TAF3: variants seen among roughly 807,000 people sequenced by gnomAD.
TAF3 encodes TATA-box binding protein associated factor 3.
TAF3 carries 7 observed loss-of-function variants against 80.6 expected under a neutral mutation model. The ratio of observed to expected loss-of-function variants is 0.09; its 90% CI spans 0.05 to 0.16. The LOEUF is 0.16. Ranked by LOEUF, TAF3 falls within the 10% of genes least tolerant of loss-of-function variation. The pLI is 1.00. For synonymous variants in TAF3, 444 were observed against 446.1 expected (o/e 1.00, Z 0.06); for missense variants, 921 against 1,140.2 (o/e 0.81, Z 2.77).
intron 2 of TAF3, among the ~76,000 whole-genome samples, chr10:7,854,367 A>G (rs1283195305): frequency 2.0e-5 from 3 of 152,220 alleles, no homozygotes; most frequent in Admixed American, 6.5e-5. Flanking sequence ...ATTTGCCCCA[A>G]AACAATTTCT....
At position 7,857,616 on chromosome 10, in the gene TAF3, TCATC is replaced by T. The variant is rs1185774719; in HGVS notation, c.409+33058_409+33061del. The stretch of plus-strand genomic sequence containing the variant: ...TTTGATTTTATGTTGCTTGCATTCT[TCATC>T]CTGTTTGTGAGTTATTTCATGAAAG... On this transcript the variant is annotated intron_variant, in intron 2 of 6. Transcript: ENST00000344293. Among the ~76,000 whole-genome samples, 3 of 152,368 alleles carry T rather than the reference TCATC, an allele frequency of 2.0e-5. No individual in the cohort carries two copies. The East Asian group carries it at 5.8e-4, about 29-fold the overall frequency.
chr10:7,965,174 A>G lies in TAF3; in HGVS notation c.1664A>G (p.Glu555Gly). The change falls in exon 3 of 7, where the codon GAG (glutamate) becomes GGG (glycine). Residue 555 changes from glutamate (E) to glycine (G), a missense_variant. Glu to Gly is a moderately conservative substitution (Grantham distance 98). This residue lies in a region of TAF3 where 743 missense variants were observed against 821.0 expected (regional missense o/e 0.90). Transcript: ENST00000344293. ...GACAAGAACAAGGACAAAAGTAAGG[A>G]GAAGGATAAAGTGAAAGAGAAAGAG... ...EKDKNKDKSK[E>G]KDKVKEKEKD... The G allele has an allele frequency of 6.2e-7, 1 of 1,608,942 alleles. No individual in the cohort carries two copies. The highest frequency in any genetic ancestry group is 8.5e-7 in the Non-Finnish European group (1 of 1,178,742).
In TAF3 at chr10:8,016,562, G is replaced by A. The variant is rs1041249202; in HGVS notation, c.*1811G>A. ...AATATTTTCACATGCACAAAAATGC[G>A]CGTTAGTGGTTTTTGGAGAGGGGTG... On this transcript the variant is annotated 3_prime_UTR_variant, in exon 7 of 7. Transcript: ENST00000344293. 3 of 151,940 alleles carry A rather than the reference G, an allele frequency of 2.0e-5. No homozygotes were observed. The highest frequency in any genetic ancestry group is 4.4e-5 in the Non-Finnish European group (3 of 68,022). 9.4% of individuals were successfully genotyped at this position (151,940 alleles called of 1,614,324 possible). A position where few individuals can be genotyped will look rare whatever the true frequency, so the allele number is the denominator to read the frequency against.
rs1474032552 is a variant in TAF3, at chr10:8,014,851, G to A, written c.*100G>A. ...AAGTCTGCCGTCACATCCACCCCCA[G>A]ATGCCTGTGGATAAAGAACCCAGGA... On this transcript the variant is annotated 3_prime_UTR_variant, in exon 7 of 7. Coordinates refer to ENST00000344293, the MANE Select transcript of TAF3 (RefSeq NM_031923.4). 1.5e-5 allele frequency: 15 copies of A among 997,876 alleles called. No individual in the cohort carries two copies. The highest frequency in any genetic ancestry group is 2.6e-5 in the Admixed American group (1 of 38,078). The allele number at this position is 997,876 out of a possible 1,614,324, so 61.8% of individuals were successfully genotyped here.
intron 2 of TAF3, among the ~76,000 whole-genome samples, chr10:7,883,597 G>T (rs1340147054): frequency 2.6e-5 from 4 of 152,134 alleles, no homozygotes; most frequent in Non-Finnish European, 4.4e-5. Context: ...TCATCCATTG[G>T]TGATCTTTAC....
At chr10:7,960,700 C>T (rs1163739270) in intron 2 of TAF3, among the ~76,000 whole-genome samples, 1 of 152,174 alleles carries the variant, frequency 6.6e-6, no homozygotes, top group Non-Finnish European at 1.5e-5. Flanking sequence ...AGAGGGAGCA[C>T]CTTGTCAGTC....
At chr10:7,955,121 A>G (rs1287543196) in intron 2 of TAF3, among the ~76,000 whole-genome samples, 3 of 152,262 alleles carry the variant, frequency 2.0e-5, no homozygotes, top group Non-Finnish European at 2.9e-5. Context: ...TGGTTACAAT[A>G]AATATACCTA....
At chr10:7,835,164 A>G (rs1266638505) in intron 2 of TAF3, among the ~76,000 whole-genome samples, 3 of 152,204 alleles carry the variant, frequency 2.0e-5, no homozygotes, top group Non-Finnish European at 4.4e-5. Flanking sequence ...AAGAAGAAGG[A>G]TTGTCTTTGG....
intron 2 of TAF3, among the ~76,000 whole-genome samples, chr10:7,947,708 A>C (rs1462162530): frequency 6.6e-6 from 1 of 152,198 alleles, no homozygotes; most frequent in Non-Finnish European, 1.5e-5. Context: ...GCAGCTAAGA[A>C]GGAGGATGGG....
chr10:7,946,022 C>G (rs1029942835), intron 2 of TAF3, among the ~76,000 whole-genome samples: 3 of 152,188 alleles, frequency 2.0e-5, no homozygotes, highest in African/African-American at 4.8e-5. Context: ...TTATGCACAC[C>G]TGACCCTGAC....
rs554953503 is a variant in TAF3 at position 7,979,357 on chromosome 10, A to T, written c.2315+2034A>T. Among the ~76,000 whole-genome samples the T allele has an allele frequency of 3.9e-5, 4 of 101,384 alleles. No individual in the cohort carries two copies. The Admixed American group carries it at 5.3e-4, about 13-fold the overall frequency. The allele number at this position is 101,384 out of a possible 152,430, so 66.5% of individuals were successfully genotyped here. On this transcript the variant is annotated intron_variant, in intron 4 of 6. Transcript: ENST00000344293. ...AGTCTCTGTCTCAAAAAATGAAAAA[A>T]AAATGAAAAAAAAAAAAAAGGCATT... is the stretch of plus-strand genomic sequence containing the variant.
At chr10:7,983,448 A>G (rs1462228518) in intron 4 of TAF3, among the ~76,000 whole-genome samples, 1 of 152,190 alleles carries the variant, frequency 6.6e-6, no homozygotes, top group Non-Finnish European at 1.5e-5. Context: ...GTACAAAAGG[A>G]TACTTTAGAT....
intron 2 of TAF3, among the ~76,000 whole-genome samples, chr10:7,829,201 T>A (rs1303637346): frequency 1.3e-5 from 2 of 152,190 alleles, no homozygotes; most frequent in African/African-American, 2.4e-5. Flanking sequence ...CAGTTTTGAT[T>A]TACAGAAAAA....
chr10:7,864,138 C>T (rs1837185669), intron 2 of TAF3, among the ~76,000 whole-genome samples: 3 of 151,894 alleles, frequency 2.0e-5, no homozygotes, highest in Admixed American at 6.6e-5. Context: ...GTTGTACATT[C>T]TCTGTGTTTT....
In TAF3 at chr10:8,009,695, C is replaced by T. The variant is rs187138251; in HGVS notation, c.2568+365C>T. Among the ~76,000 whole-genome samples, 118 of 151,846 alleles carry T rather than the reference C, an allele frequency of 7.8e-4. No individual in the cohort carries two copies. Among genetic ancestry groups the T allele is most frequent in the Non-Finnish European group, 7.4e-5 (5 of 67,982 alleles). On this transcript the variant is annotated intron_variant, in intron 5 of 6. Coordinates refer to ENST00000344293, the MANE Select transcript of TAF3 (RefSeq NM_031923.4). This position sits in a 1 kb window ranked among gnomAD's most constrained non-coding sequence, Gnocchi z 4.1. Reference sequence around the variant, plus strand: ...GGAATGCGGTGGTGAGATCTCAGCTCACTGCAACCTCCACCTCCCAGGTTC... The same window carrying T: ...GGAATGCGGTGGTGAGATCTCAGCTTACTGCAACCTCCACCTCCCAGGTTC...
At chr10:7,879,974 C>T (rs572820935) in intron 2 of TAF3, among the ~76,000 whole-genome samples, 1 of 152,168 alleles carries the variant, frequency 6.6e-6, no homozygotes, top group Admixed American at 6.5e-5. Flanking sequence ...CTCTGGGAGT[C>T]TGCAGCAAGA....
intron 2 of TAF3, among the ~76,000 whole-genome samples, chr10:7,946,758 A>C (rs1838028389): frequency 6.6e-6 from 1 of 151,706 alleles, no homozygotes; most frequent in Admixed American, 6.6e-5. Context: ...GGCACTCTAC[A>C]TCACTACCAC....
In TAF3 at chr10:7,888,741, A is replaced by G. The variant is rs148322473; in HGVS notation, c.409+64181A>G. 1.8e-3 allele frequency among the ~76,000 whole-genome samples: 271 copies of G among 152,378 alleles called. 1 individual carries two copies. The highest frequency in any genetic ancestry group is 6.2e-3 in the African/African-American group (259 of 41,592). The stretch of plus-strand genomic sequence containing the variant: ...ATGCAAGACAGTTGACCAAGAAGAC[A>G]GTGACAGAGCTTTCGCATCTGTTCC... On this transcript the variant is annotated intron_variant, in intron 2 of 6. Coordinates refer to ENST00000344293, the MANE Select transcript of TAF3 (RefSeq NM_031923.4).
intron 2 of TAF3, among the ~76,000 whole-genome samples, chr10:7,949,665 C>T (rs550223000): frequency 6.6e-6 from 1 of 152,352 alleles, no homozygotes; most frequent in Admixed American, 6.5e-5. Context: ...TTGTAAGACA[C>T]ACCATTCATT....
Sources: gnomAD v4.1 joint callset for allele counts (sites outside exome capture counted in the v4.1 genomes callset) on GRCh38, gnomAD v4.1.1 for gene constraint, gnomAD v4.1.1 regional missense constraint, Gnocchi (gnomAD v3.1) non-coding constraint, MANE v1.5 for transcripts, NCBI Gene and HGNC (gene_info 2026-07-23, HGNC 2026-07-21) for gene names.